The following PAPOLA variants were observed in gnomAD, a reference collection of about 807,000 sequenced individuals.
PAPOLA encodes poly(A) polymerase alpha.
PAPOLA carries 15 observed loss-of-function variants against 100.6 expected under a neutral mutation model. That is an observed-to-expected ratio of 0.15 (90% CI 0.10 to 0.23). The LOEUF (loss-of-function observed/expected upper bound fraction) is 0.23, where lower values mean the gene tolerates loss of function less well. Ranked by LOEUF, PAPOLA falls within the 10% of genes least tolerant of loss-of-function variation. The pLI is 1.00. For synonymous variants in PAPOLA, 293 were observed against 300.0 expected (o/e 0.98, Z 0.24); for missense variants, 533 against 884.2 (o/e 0.60, Z 5.04).
intron 3 of PAPOLA, among the ~76,000 whole-genome samples, chr14:96,524,582 C>T (rs1006423497): frequency 4.6e-5 from 7 of 152,026 alleles, no homozygotes; most frequent in African/African-American, 1.4e-4. Flanking sequence ...AGTGCAGTGG[C>T]GTGATCATGG....
chr14:96,544,088 C>T (rs1900201204), intron 14 of PAPOLA, 61 bp from the exon 15 acceptor site: 1 of 875,192 alleles, frequency 1.1e-6, no homozygotes, highest in South Asian at 1.4e-5. Context: ...GATTGTCAGC[C>T]ACACTGATAG....
At chr14:96,533,277 A>T in intron 9 of PAPOLA, 1 of 984,970 alleles carries the variant, frequency 1.0e-6, no homozygotes, top group South Asian at 4.7e-5. Context: ...TTGGCCCAAA[A>T]GGTGAGGGTT....
chr14:96,555,894 T>C lies in PAPOLA; in HGVS notation c.1712T>C (p.Ile571Thr). The C allele has an allele frequency of 6.2e-7, 1 of 1,611,426 alleles. No individual in the cohort carries two copies. The highest frequency in any genetic ancestry group is 8.5e-7 in the Non-Finnish European group (1 of 1,177,798). Residue 571 changes from isoleucine to threonine, a missense_variant, in exon 18 of 22, where the codon ATA (isoleucine) becomes ACA (threonine). Ile to Thr is a moderately conservative substitution (Grantham distance 89). Coordinates refer to ENST00000216277, the MANE Select transcript of PAPOLA (RefSeq NM_032632.5). ...PAVTAASVTNIQATEVSVPQV... is the reference protein window; with the variant it reads ...PAVTAASVTNTQATEVSVPQV... ...GTAACAGCAGCATCTGTGACCAACA[T>C]ACAGGCTACTGAAGTTTCTGTGCCA...
chr14:96,544,580 T>G (rs1371978999), intron 15 of PAPOLA, among the ~76,000 whole-genome samples: 2 of 152,092 alleles, frequency 1.3e-5, no homozygotes, highest in East Asian at 1.9e-4. Context: ...CACTCACAAA[T>G]TTTTGCATTT....
rs1206917171 is a variant in PAPOLA, at chr14:96,532,288, G to T, written c.608-43G>T. The T allele has an allele frequency of 1.6e-6, 2 of 1,218,774 alleles. No homozygotes were observed. The highest frequency in any genetic ancestry group is 2.2e-6 in the Non-Finnish European group (2 of 895,814). The allele number at this position is 1,218,774 out of a possible 1,614,324, so 75.5% of individuals were successfully genotyped here. ...TTTTTTTTGTTTTGTTTTGTTTTGTGTGTGTGTGTGTGTGTGTGTTTTTTT... is the reference window on the plus strand; with the variant it reads ...TTTTTTTTGTTTTGTTTTGTTTTGTTTGTGTGTGTGTGTGTGTGTTTTTTT... On this transcript the variant is annotated intron_variant, in intron 7 of 21. Coordinates refer to ENST00000216277, the MANE Select transcript of PAPOLA (RefSeq NM_032632.5).
intron 1 of PAPOLA, among the ~76,000 whole-genome samples, chr14:96,505,734 A>G (rs773287791): frequency 6.6e-6 from 1 of 152,170 alleles, no homozygotes; most frequent in African/African-American, 2.4e-5. Flanking sequence ...AGGGTACATA[A>G]TGTTCAAACT....
chr14:96,530,364 A>G lies in PAPOLA; in HGVS notation c.496-1111A>G, dbSNP rs74086710. On this transcript the variant is annotated intron_variant, in intron 6 of 21. Transcript: ENST00000216277. ...GTACATTTCCATTTCTGTTTTAAAA[A>G]TATTGCCATGTTTGTTTGTTTTTTT... 6.6e-3 allele frequency among the ~76,000 whole-genome samples: 999 copies of G among 151,608 alleles called. 13 individuals are homozygous for G. The highest frequency in any genetic ancestry group is 0.023 in the African/African-American group (945 of 41,384).
In PAPOLA at chr14:96,547,783, T is replaced by A; in HGVS notation, c.1400-14T>A. ...AATGTTTCTATTTCTTGTAACAATT[T>A]CCTAATTGTATAGTTTATAGGCAAG... On this transcript the variant is annotated splice_polypyrimidine_tract_variant and intron_variant, in intron 15 of 21. Transcript: ENST00000216277. The A allele has an allele frequency of 6.3e-7, 1 of 1,575,140 alleles. No individual in the cohort carries two copies. Among genetic ancestry groups the A allele is most frequent in the Non-Finnish European group, 8.6e-7 (1 of 1,161,628 alleles).
intron 10 of PAPOLA, chr14:96,535,452 C>G: frequency 1.0e-6 from 1 of 984,996 alleles, no homozygotes; most frequent in Non-Finnish European, 1.2e-6. Context: ...GCTTGAACTC[C>G]TTAATAGTTT....
At chr14:96,504,379 A>G (rs546395152) in intron 1 of PAPOLA, 1 of 152,336 alleles carries the variant, frequency 6.6e-6, no homozygotes, top group East Asian at 1.9e-4. Context: ...AGGTATTTCA[A>G]ATTCTTCGCG....
intron 19 of PAPOLA, among the ~76,000 whole-genome samples, chr14:96,557,559 A>G (rs1901446471): frequency 6.9e-6 from 1 of 144,278 alleles, no homozygotes; most frequent in Admixed American, 6.8e-5. Context: ...AAAAGCACCA[A>G]TTTCATTGTG....
intron 1 of PAPOLA, 51 bp downstream of exon 1, chr14:96,502,651 G>A (rs1162111888): frequency 1.3e-6 from 2 of 1,553,998 alleles, no homozygotes; most frequent in African/African-American, 1.4e-5. Flanking sequence ...GGCCTTGGGG[G>A]GCGTCCGGGA....
In PAPOLA at chr14:96,502,422, G is replaced by T. The variant is rs1159529216; in HGVS notation, c.-171G>T. 2 of 702,850 alleles carry T rather than the reference G, an allele frequency of 2.8e-6. No individual in the cohort carries two copies. Among genetic ancestry groups the T allele is most frequent in the East Asian group, 5.5e-5 (2 of 36,106 alleles). The allele number at this position is 702,850 out of a possible 1,614,324, so 43.5% of individuals were successfully genotyped here. On this transcript the variant is annotated 5_prime_UTR_variant, in exon 1 of 22. Coordinates refer to ENST00000216277, the MANE Select transcript of PAPOLA (RefSeq NM_032632.5). ...TAGCGCTCGGGCGCCATGTTAGGAC[G>T]AAGGGGAAGGAGGAGAAGCGCTTAA...
At chr14:96,563,699 A>G (rs996745914) in intron 21 of PAPOLA, among the ~76,000 whole-genome samples, 1 of 152,170 alleles carries the variant, frequency 6.6e-6, no homozygotes, top group Non-Finnish European at 1.5e-5. Flanking sequence ...CTTTTGCTAG[A>G]TGTTAACTTT....
chr14:96,502,780 T>C (rs1896388812), intron 1 of PAPOLA, 180 bp downstream of exon 1: 2 of 602,608 alleles, frequency 3.3e-6, no homozygotes, highest in Non-Finnish European at 5.3e-6. Flanking sequence ...CTTCCCCCCG[T>C]GTGCTGGGTT....
chr14:96,506,655 G>T lies in PAPOLA; in HGVS notation c.8+4055G>T, dbSNP rs148919976. On this transcript the variant is annotated intron_variant, in intron 1 of 21. Transcript: ENST00000216277. ...AAAGATGTTTCTGCTGACATTGGTGGTAATATTAATGCATATAGTTTTAAT... is the reference window on the plus strand; with the variant it reads ...AAAGATGTTTCTGCTGACATTGGTGTTAATATTAATGCATATAGTTTTAAT... Among the ~76,000 whole-genome samples the T allele has an allele frequency of 2.1e-3, 319 of 152,192 alleles. 1 individual carries two copies. The highest frequency in any genetic ancestry group is 3.7e-3 in the Non-Finnish European group (251 of 68,012).
At chr14:96,516,208 G>A (rs12589747) in intron 1 of PAPOLA, among the ~76,000 whole-genome samples, 16,967 of 152,180 alleles carry the variant, frequency 0.11, 1,034 homozygotes, top group South Asian at 0.17. Context: ...TCTTAGTCTA[G>A]CTCCTTAAGC....
intron 4 of PAPOLA, chr14:96,526,196 A>G (rs1027121846): frequency 1.3e-5 from 2 of 152,234 alleles, no homozygotes; most frequent in African/African-American, 4.8e-5. Context: ...TTCACTGAGT[A>G]CTGAGATCTT....
chr14:96,527,753 A>G (rs768539450), intron 5 of PAPOLA, 200 bp from the exon 6 acceptor site: 80 of 615,130 alleles, frequency 1.3e-4, no homozygotes, highest in Middle Eastern at 1.2e-3. Context: ...CAAAATAAAT[A>G]TGAAATAATC....
Sources: allele counts gnomAD v4.1 joint callset (sites outside exome capture counted in the v4.1 genomes callset), GRCh38; gene constraint gnomAD v4.1.1; transcripts MANE v1.5; gene names NCBI Gene and HGNC (gene_info 2026-07-23, HGNC 2026-07-21).